Variants in VSIG10 observed in about 807,000 individuals in gnomAD.
The protein encoded by VSIG10 is V-set and immunoglobulin domain containing 10, also known as V-set and immunoglobulin domain-containing protein 10.
VSIG10 carries 48 observed loss-of-function variants against 58.7 expected under a neutral mutation model. The observed-to-expected ratio is 0.82, with a 90% confidence interval of 0.65 to 1.04. VSIG10 has a LOEUF of 1.04. Among genes scored for constraint, VSIG10 ranks in the 50% least tolerant of loss-of-function variants. The pLI is 0.00. For missense variants in VSIG10, 628 were observed against 670.0 expected, an observed-to-expected ratio of 0.94 and a Z score of 0.69; for synonymous variants, 260 against 267.1, an observed-to-expected ratio of 0.97 and a Z score of 0.26.
rs1001158604 is a variant in VSIG10 at position 118,065,531 on chromosome 12, C to T, written c.*1108G>A. On this transcript the variant is annotated 3_prime_UTR_variant, in exon 9 of 9. Transcript: ENST00000359236. ...TTCATCCAAGAAAACAGACCTTCCC[C>T]AACCACACCTGCAGGGTTACTTCAG... 1 of 152,184 alleles carries T rather than the reference C, an allele frequency of 6.6e-6. No homozygotes were observed. Among genetic ancestry groups the T allele is most frequent in the African/African-American group, 2.4e-5 (1 of 41,424 alleles). 9.4% of individuals were successfully genotyped at this position (152,184 alleles called of 1,614,324 possible).
At chr12:118,096,666 C>T (rs1223101114) in intron 1 of VSIG10, among the ~76,000 whole-genome samples, 3 of 151,210 alleles carry the variant, frequency 2.0e-5, no homozygotes, top group Admixed American at 6.6e-5. Flanking sequence ...CTTGATCCGC[C>T]GGCCTCGGCC....
At chr12:118,079,833 C>G (rs56682926) in intron 3 of VSIG10, among the ~76,000 whole-genome samples, 4,646 of 127,250 alleles carry the variant, frequency 0.037, 259 homozygotes, top group African/African-American at 0.14. Flanking sequence ...TTCTTTCTTT[C>G]TTTCTTTCTT....
chr12:118,080,113 C>G, intron 3 of VSIG10, among the ~76,000 whole-genome samples: 2 of 152,206 alleles, frequency 1.3e-5, no homozygotes, highest in Middle Eastern at 6.8e-3. Context: ...GGATTATAGG[C>G]GTGAGCCACT....
At chr12:118,078,742 C>A (rs1347988684) in intron 4 of VSIG10, among the ~76,000 whole-genome samples, 3 of 151,640 alleles carry the variant, frequency 2.0e-5, no homozygotes, top group African/African-American at 7.3e-5. Flanking sequence ...AGTTCGAGAC[C>A]AGCCTGGCCA....
At chr12:118,099,623 G>A (rs534742592) in intron 1 of VSIG10, among the ~76,000 whole-genome samples, 63 of 152,332 alleles carry the variant, frequency 4.1e-4, no homozygotes, top group Middle Eastern at 3.4e-3. Context: ...ACCTGTTGGG[G>A]TGATAAAAAT....
chr12:118,088,940 CCTTTTT>C (rs1192889099), intron 2 of VSIG10, among the ~76,000 whole-genome samples: 1 of 151,472 alleles, frequency 6.6e-6, no homozygotes, highest in East Asian at 1.9e-4. Flanking sequence ...CATTTTTATT[CCTTTTT>C]CTTTTTTTTT....
chr12:118,078,936 C>CAAAAAAAAAAAAAA, intron 4 of VSIG10, among the ~76,000 whole-genome samples: 1 of 51,984 alleles, frequency 1.9e-5, no homozygotes, highest in East Asian at 1.0e-3. Context: ...AAGACTCTGC[C>CAAAAAAAAAAAAAA]TAAAAAAAAA....
chr12:118,098,130 A>G (rs534899262), intron 1 of VSIG10, among the ~76,000 whole-genome samples: 1 of 152,294 alleles, frequency 6.6e-6, no homozygotes, highest in Admixed American at 6.5e-5. Context: ...GCGATCAATA[A>G]TTGATACAGA....
intron 4 of VSIG10, among the ~76,000 whole-genome samples, chr12:118,076,538 GTGT>G (rs2032734681): frequency 6.6e-6 from 1 of 152,072 alleles, no homozygotes. Flanking sequence ...GTGTTTCGCT[GTGT>G]TGCCCAGGCT....
At chr12:118,100,191 G>T (rs1332201108) in intron 1 of VSIG10, among the ~76,000 whole-genome samples, 1 of 151,938 alleles carries the variant, frequency 6.6e-6, no homozygotes, top group Non-Finnish European at 1.5e-5. Flanking sequence ...CCAACATGGT[G>T]AAACCTCATC....
At chr12:118,077,280 T>A (rs890427612) in intron 4 of VSIG10, among the ~76,000 whole-genome samples, 1 of 152,248 alleles carries the variant, frequency 6.6e-6, no homozygotes, top group East Asian at 1.9e-4. Context: ...CCCACGGATC[T>A]TCACCTAGCC....
At chr12:118,085,588 A>G (rs2137912553) in intron 2 of VSIG10, among the ~76,000 whole-genome samples, 1 of 152,364 alleles carries the variant, frequency 6.6e-6, no homozygotes, top group East Asian at 1.9e-4. Context: ...TTGGCTGGGC[A>G]TGATGGCTCA....
chr12:118,095,748 C>T lies in VSIG10; in HGVS notation c.146G>A (p.Gly49Glu). ...NVTLHCGNISGLRGQVTWYRN... is the reference protein window; with the variant it reads ...NVTLHCGNISELRGQVTWYRN... ...GTACCAGGTCACCTGGCCCCTCAGT[C>T]CCGAGATGTTGCCACAGTGCAGAGT... Residue 49 changes from glycine (G) to glutamate (E), a missense_variant, in exon 2 of 9, where the codon GGA becomes GAA. Transcript: ENST00000359236. 1 of 1,613,580 alleles carries T rather than the reference C, an allele frequency of 6.2e-7. No individual in the cohort carries two copies. The highest frequency in any genetic ancestry group is 1.1e-5 in the South Asian group (1 of 91,020).
At chr12:118,074,696 C>G (rs959706343) in intron 4 of VSIG10, among the ~76,000 whole-genome samples, 6 of 152,086 alleles carry the variant, frequency 3.9e-5, no homozygotes, top group African/African-American at 1.4e-4. Context: ...CCAGGCTAGT[C>G]TCAAACTCCT....
At chr12:118,090,303 T>C (rs1023278510) in intron 2 of VSIG10, among the ~76,000 whole-genome samples, 5 of 151,988 alleles carry the variant, frequency 3.3e-5, no homozygotes, top group Non-Finnish European at 7.4e-5. Context: ...AGACTCTATC[T>C]CAAAAAAATA....
In VSIG10 at chr12:118,063,636, TATG is replaced by T. The variant is rs1436568249; in HGVS notation, c.*3000_*3002del. ...ATTCCATTATCTTTTAAAAAAGGCA[TATG>T]ATAACCTCAGAACTAATTTCTCCCA... is the stretch of plus-strand genomic sequence containing the variant. On this transcript the variant is annotated 3_prime_UTR_variant, in exon 9 of 9. Transcript: ENST00000359236. 3.9e-5 allele frequency: 6 copies of T among 152,148 alleles called. No homozygotes were observed. Among genetic ancestry groups the T allele is most frequent in the Non-Finnish European group, 7.3e-5 (5 of 68,036 alleles). The allele number at this position is 152,148 out of a possible 1,614,324, so 9.4% of individuals were successfully genotyped here. A position where few individuals can be genotyped will look rare whatever the true frequency, so the allele number is the denominator to read the frequency against.
chr12:118,093,654 T>C (rs541309306), intron 2 of VSIG10, among the ~76,000 whole-genome samples: 1 of 152,112 alleles, frequency 6.6e-6, no homozygotes, highest in African/African-American at 2.4e-5. Context: ...CTCATGCTTG[T>C]AATCCCAGTA....
intron 2 of VSIG10, among the ~76,000 whole-genome samples, chr12:118,092,001 C>A (rs1330921422): frequency 6.6e-6 from 1 of 152,068 alleles, no homozygotes; most frequent in African/African-American, 2.4e-5. Context: ...GGTGATCTGC[C>A]CGCCTCGGCC....
intron 1 of VSIG10, chr12:118,101,752 T>G (rs770469022): frequency 6.6e-6 from 1 of 151,890 alleles, no homozygotes; most frequent in Non-Finnish European, 1.5e-5. Flanking sequence ...ACTCCCAACT[T>G]AAAAAACAAA....
Sources: allele counts gnomAD v4.1 joint callset (sites outside exome capture counted in the v4.1 genomes callset), GRCh38; gene constraint gnomAD v4.1.1; transcripts MANE v1.5; gene names NCBI Gene and HGNC (gene_info 2026-07-23, HGNC 2026-07-21).